The following MSRA variants were observed in gnomAD, a reference collection of about 807,000 sequenced individuals.
MSRA encodes the protein methionine sulfoxide reductase A.
In MSRA, 54 loss-of-function variants were observed where a neutral mutation model predicts 31.3. The ratio of observed to expected loss-of-function variants is 1.73; its 90% confidence interval spans 1.39 to 2.17. MSRA has a LOEUF of 2.17. Ranked by LOEUF, MSRA falls within the 30% of genes most tolerant of loss-of-function variation. The pLI, the probability that MSRA is intolerant of heterozygous loss-of-function variation, is 0.00. For synonymous variants in MSRA, 169 were observed against 116.5 expected (o/e 1.45, Z -2.90); for missense variants, 507 against 300.9 (o/e 1.69, Z -5.07).
rs915033866 is a variant in MSRA, at chr8:10,167,311, G to GA, written c.143-40518dup. 2.5e-3 allele frequency among the ~76,000 whole-genome samples: 375 copies of GA among 152,290 alleles called. 3 individuals are homozygous for GA. The highest frequency in any genetic ancestry group is 3.5e-3 in the Non-Finnish European group (241 of 68,022). ...CTGCTCTGTCCATTTCTGTTGTGCT[G>GA]AAAATCACATGGAAACCAATCACAT... On this transcript the variant is annotated intron_variant, in intron 1 of 5. Coordinates refer to ENST00000317173, the MANE Select transcript of MSRA (RefSeq NM_012331.5).
intron 5 of MSRA, among the ~76,000 whole-genome samples, chr8:10,421,626 T>TA (rs1360563531): frequency 6.6e-6 from 1 of 152,142 alleles, no homozygotes; most frequent in Non-Finnish European, 1.5e-5. Flanking sequence ...TTACATTTAT[T>TA]ACCAGAAAGG....
chr8:10,370,647 C>G (rs1322256738), intron 5 of MSRA, among the ~76,000 whole-genome samples: 2 of 152,248 alleles, frequency 1.3e-5, no homozygotes, highest in African/African-American at 2.4e-5. Flanking sequence ...AAACACCTCT[C>G]CCTCGGGCCA....
rs569992599 is a variant in MSRA, at chr8:10,339,882, G to C, written c.543+19893G>C. Among the ~76,000 whole-genome samples, 120 of 152,168 alleles carry C rather than the reference G, an allele frequency of 7.9e-4. No individual in the cohort carries two copies. The Middle Eastern group carries it at 0.01, about 13-fold the overall frequency. On this transcript the variant is annotated intron_variant, in intron 5 of 5. Coordinates refer to ENST00000317173, the MANE Select transcript of MSRA (RefSeq NM_012331.5). Reference sequence around the variant, plus strand: ...ACAGGCTGTCTGATGACTAACGAGAGGGAACATAAGGACCCTATGGTCTGC... The same window carrying C: ...ACAGGCTGTCTGATGACTAACGAGACGGAACATAAGGACCCTATGGTCTGC...
chr8:10,426,482 T>G (rs1403793242), intron 5 of MSRA, among the ~76,000 whole-genome samples: 3 of 152,266 alleles, frequency 2.0e-5, no homozygotes, highest in African/African-American at 7.2e-5. Flanking sequence ...GTCTTGGGTC[T>G]GCTTCCTGCA....
At chr8:10,393,523 A>G (rs765478400) in intron 5 of MSRA, among the ~76,000 whole-genome samples, 2 of 152,208 alleles carry the variant, frequency 1.3e-5, no homozygotes, top group African/African-American at 2.4e-5. Flanking sequence ...GGCACCGTGT[A>G]GGCATGGTGT....
At chr8:10,376,864 C>T (rs938855214) in intron 5 of MSRA, among the ~76,000 whole-genome samples, 3 of 152,144 alleles carry the variant, frequency 2.0e-5, no homozygotes, top group Non-Finnish European at 2.9e-5. Context: ...ACAATAAATA[C>T]GCAGGTGCCT....
intron 1 of MSRA, among the ~76,000 whole-genome samples, chr8:10,115,864 AAC>A (rs1049249731): frequency 1.3e-5 from 2 of 152,212 alleles, no homozygotes; most frequent in Non-Finnish European, 2.9e-5. Flanking sequence ...ATAAATAGAA[AAC>A]ACACAAAAAT....
intron 3 of MSRA, among the ~76,000 whole-genome samples, chr8:10,287,819 C>G (rs528435529): frequency 3.3e-5 from 5 of 152,302 alleles, no homozygotes; most frequent in Non-Finnish European, 5.9e-5. Context: ...TAGAGTCACC[C>G]TTTCCTCTGT....
chr8:10,115,811 G>T (rs1800634724), intron 1 of MSRA, among the ~76,000 whole-genome samples: 1 of 152,170 alleles, frequency 6.6e-6, no homozygotes, highest in African/African-American at 2.4e-5. Context: ...AGAGTTAGAA[G>T]AGGACACAGT....
chr8:10,282,412 A>G (rs1231393304), intron 3 of MSRA, among the ~76,000 whole-genome samples: 2 of 152,250 alleles, frequency 1.3e-5, no homozygotes, highest in African/African-American at 2.4e-5. Flanking sequence ...ATCTGCCAAG[A>G]TGAAAGCTAC....
At chr8:10,071,256 G>T (rs765591812) in intron 1 of MSRA, among the ~76,000 whole-genome samples, 3 of 152,162 alleles carry the variant, frequency 2.0e-5, no homozygotes, top group Admixed American at 6.5e-5. Flanking sequence ...GGTGGATAAG[G>T]ATGTTGAAGA....
In MSRA at chr8:10,305,409, C is replaced by CTTTTTTTTTTTTT. The variant is rs549346544; in HGVS notation, c.436+3780_436+3792dup. ...GATGAAGTCCCCATGTGTTTTCTTC[C>CTTTTTTTTTTTTT]TTTTTTTTTTTTTTTTTTTTTCCGG... On this transcript the variant is annotated intron_variant, in intron 4 of 5. Transcript: ENST00000317173. Among the ~76,000 whole-genome samples the CTTTTTTTTTTTTT allele has an allele frequency of 3.0e-3, 368 of 122,898 alleles. 4 individuals are homozygous for CTTTTTTTTTTTTT. Among genetic ancestry groups the CTTTTTTTTTTTTT allele is most frequent in the South Asian group, 4.9e-3 (17 of 3,438 alleles). 80.6% of individuals were successfully genotyped at this position (122,898 alleles called of 152,430 possible). A position where few individuals can be genotyped will look rare whatever the true frequency, so the allele number is the denominator to read the frequency against.
chr8:10,144,373 C>T (rs1585023214), intron 1 of MSRA, among the ~76,000 whole-genome samples: 1 of 151,250 alleles, frequency 6.6e-6, no homozygotes, highest in African/African-American at 2.5e-5. Flanking sequence ...CTCTGAGTTT[C>T]AGTACCTAAA....
intron 5 of MSRA, among the ~76,000 whole-genome samples, chr8:10,359,083 A>C (rs1007457623): frequency 6.6e-6 from 1 of 152,180 alleles, no homozygotes; most frequent in African/African-American, 2.4e-5. Context: ...GATAGTGTGA[A>C]GCATGTGATG....
chr8:10,337,806 A>G, intron 5 of MSRA: 1 of 702,608 alleles, frequency 1.4e-6, no homozygotes, highest in Non-Finnish European at 2.6e-6. Context: ...AAACATTATT[A>G]AAGCAATATT....
chr8:10,156,667 T>C (rs1434353562), intron 1 of MSRA, among the ~76,000 whole-genome samples: 2 of 152,166 alleles, frequency 1.3e-5, no homozygotes, highest in Non-Finnish European at 2.9e-5. Flanking sequence ...TTCTGCAAGA[T>C]GAGCATATTC....
chr8:10,295,901 C>T (rs1278170141), intron 3 of MSRA, among the ~76,000 whole-genome samples: 3 of 152,146 alleles, frequency 2.0e-5, no homozygotes, highest in Non-Finnish European at 4.4e-5. Context: ...GGCAAGATTC[C>T]AGCCTCAGCT....
chr8:10,062,273 T>G (rs1255959814), intron 1 of MSRA, among the ~76,000 whole-genome samples: 1 of 152,236 alleles, frequency 6.6e-6, no homozygotes, highest in Admixed American at 6.5e-5. Context: ...CTGTTTCAGC[T>G]GACATCGGCA....
intron 2 of MSRA, among the ~76,000 whole-genome samples, chr8:10,238,474 C>T (rs1341381831): frequency 1.3e-5 from 2 of 152,124 alleles, no homozygotes; most frequent in South Asian, 2.1e-4. Flanking sequence ...ACTCATTTAT[C>T]CTGGGTGCTT....
Sources: gnomAD v4.1 joint callset for allele counts (sites outside exome capture counted in the v4.1 genomes callset) on GRCh38, gnomAD v4.1.1 for gene constraint, MANE v1.5 for transcripts, NCBI Gene and HGNC (gene_info 2026-07-23, HGNC 2026-07-21) for gene names.